The following MIAT variants were observed in gnomAD, a reference collection of about 807,000 sequenced individuals.
The protein encoded by MIAT is myocardial infarction associated transcript, also known as MI related novel mRNA.
intron 1 of MIAT, chr22:26,646,981 G>T (rs1276433431): frequency 2.5e-6 from 1 of 398,456 alleles, no homozygotes; most frequent in East Asian, 3.6e-5. Flanking sequence ...AAAGGGGACT[G>T]CATTTCTGCA....
chr22:26,670,412 T>C (rs1365712553), downstream of MIAT: 2 of 398,122 alleles, frequency 5.0e-6, no homozygotes, highest in Non-Finnish European at 8.8e-6. Flanking sequence ...CAAAACAGTC[T>C]ACTGAGGCAC....
At chr22:26,656,289 G>A (rs934123795) in intron 2 of MIAT, 1 of 151,700 alleles carries the variant, frequency 6.6e-6, no homozygotes, top group Non-Finnish European at 1.5e-5. Context: ...GGGATTACAG[G>A]TGTGAGCCAG....
exon 6 of MIAT, chr22:26,669,239 G>C (rs1441297551): frequency 2.5e-6 from 1 of 398,774 alleles, no homozygotes; most frequent in South Asian, 1.3e-4. Flanking sequence ...CCAGAATGCG[G>C]AGTGGTGTGT....
At chr22:26,670,906 C>T (rs1452897652), downstream of MIAT, 7 of 397,238 alleles carry the variant, frequency 1.8e-5, no homozygotes, top group South Asian at 1.3e-4. Flanking sequence ...GGAAGCAGAC[C>T]GGGTGGGCGT....
exon 3 of MIAT, chr22:26,663,380 C>T: frequency 2.5e-6 from 1 of 398,672 alleles, no homozygotes; most frequent in Non-Finnish European, 4.4e-6. Context: ...ACCCCGTCGG[C>T]ATCACAGGGG....
chr22:26,651,985 C>A (rs144620380), intron 2 of MIAT, among the ~76,000 whole-genome samples: 1 of 152,304 alleles, frequency 6.6e-6, no homozygotes, highest in East Asian at 1.9e-4. Flanking sequence ...ACTTCCCTTT[C>A]TTTTCTGTTT....
chr22:26,648,873 A>G (rs1930286221), intron 2 of MIAT, among the ~76,000 whole-genome samples: 1 of 151,716 alleles, frequency 6.6e-6, no homozygotes, highest in Non-Finnish European at 1.5e-5. Flanking sequence ...GGAGTCTCTA[A>G]TGGCCTTGAG....
chr22:26,668,560 C>T (rs1930934786), exon 6 of MIAT: 1 of 398,936 alleles, frequency 2.5e-6, no homozygotes, highest in African/African-American at 2.1e-5. Context: ...TGGCCTGGGC[C>T]AAGTCCCCAC....
rs186614457 is a variant in MIAT, at chr22:26,655,212, C to T, written n.646+7901C>T. Among the ~76,000 whole-genome samples, 65 of 152,228 alleles carry T rather than the reference C, an allele frequency of 4.3e-4. No homozygotes were observed. The East Asian group carries it at 0.012, about 27-fold the overall frequency. Reference sequence around the variant, plus strand: ...AAGCCTCCTTGGGACTCTCAAGCTTCCTGCAATGGTCTTGGGCTGGGCACA... The same window carrying T: ...AAGCCTCCTTGGGACTCTCAAGCTTTCTGCAATGGTCTTGGGCTGGGCACA... On this transcript the variant is annotated intron_variant and non_coding_transcript_variant, in intron 2 of 5. Coordinates refer to ENST00000643270, the Ensembl canonical transcript of MIAT.
chr22:26,655,001 T>G (rs1930400451), intron 2 of MIAT, among the ~76,000 whole-genome samples: 1 of 152,200 alleles, frequency 6.6e-6, no homozygotes, highest in Admixed American at 6.5e-5. Context: ...CGTGAGCTGC[T>G]GCGCCCGGCC....
chr22:26,656,049 T>C (rs1438621595), intron 2 of MIAT: 2 of 153,824 alleles, frequency 1.3e-5, no homozygotes, highest in Non-Finnish European at 2.9e-5. Context: ...TTCGCTCTTG[T>C]TGCCCAGGCT....
chr22:26,665,941 A>T, exon 4 of MIAT: 1 of 398,656 alleles, frequency 2.5e-6, no homozygotes, highest in Non-Finnish European at 4.4e-6. Flanking sequence ...GGACTCCCTG[A>T]TGATGTGAAC....
chr22:26,663,481 G>A (rs921219682), intron 3 of MIAT: 8 of 397,178 alleles, frequency 2.0e-5, no homozygotes, highest in African/African-American at 1.0e-4. Flanking sequence ...CACGAAATCC[G>A]TATGTCCTGA....
chr22:26,661,998 C>CCAG (rs1400875071), intron 2 of MIAT, among the ~76,000 whole-genome samples: 8 of 130,698 alleles, frequency 6.1e-5, no homozygotes, highest in Non-Finnish European at 1.3e-4. Context: ...GCTCTGTCAC[C>CCAG]CAGGCTGGAA....
intron 2 of MIAT, among the ~76,000 whole-genome samples, chr22:26,651,222 A>C (rs1930330598): frequency 1.3e-5 from 2 of 152,356 alleles, no homozygotes; most frequent in Non-Finnish European, 2.9e-5. Flanking sequence ...CCACAGGTAA[A>C]GATGGCCGCT....
chr22:26,649,530 G>C (rs1465507406), intron 2 of MIAT, among the ~76,000 whole-genome samples: 2 of 152,216 alleles, frequency 1.3e-5, no homozygotes, highest in East Asian at 3.8e-4. Flanking sequence ...GTGTCAATTG[G>C]ATGAGGGCAC....
exon 5 of MIAT, chr22:26,675,484 A>G (rs979433088): frequency 5.0e-6 from 2 of 398,558 alleles, no homozygotes; most frequent in African/African-American, 2.1e-5. Flanking sequence ...GGAGTTTGCA[A>G]TGGCCTCTGG....
At chr22:26,667,364 ATG>A (rs1351964916) in intron 5 of MIAT, 4 of 367,790 alleles carry the variant, frequency 1.1e-5, no homozygotes, top group African/African-American at 2.5e-5. Flanking sequence ...GCGTGTGCAC[ATG>A]TGTGTGCATG....
chr22:26,672,609 C>T, downstream of MIAT: 1 of 399,198 alleles, frequency 2.5e-6, no homozygotes, highest in Non-Finnish European at 4.4e-6. Context: ...GGGGAAGAAT[C>T]CTCTCCATTG....
Sources: gnomAD v4.1 joint callset for allele counts (sites outside exome capture counted in the v4.1 genomes callset) on GRCh38, gnomAD v4.1.1 for gene constraint, MANE v1.5 for transcripts, NCBI Gene and HGNC (gene_info 2026-07-23, HGNC 2026-07-21) for gene names.